ANKS1B: variants seen among roughly 807,000 people sequenced by gnomAD.
ANKS1B encodes ankyrin repeat and sterile alpha motif domain-containing protein 1B.
Under a neutral mutation model 148.3 loss-of-function variants are expected in ANKS1B, and 36 were observed. That is an observed-to-expected ratio of 0.24 (90% CI 0.19 to 0.32). ANKS1B has a LOEUF of 0.32. Among genes scored for constraint, ANKS1B ranks in the 10% least tolerant of loss-of-function variants. The probability of loss-of-function intolerance (pLI) is 1.00; values close to 1 mark genes in which losing one functional copy is unlikely to be tolerated. For synonymous variants in ANKS1B, 542 were observed against 560.8 expected (o/e 0.97, Z 0.47); for missense variants, 1,157 against 1,542.6 (o/e 0.75, Z 4.19).
rs180882333 is a variant in ANKS1B, at chr12:99,515,169, G to A, written c.1273-10528C>T. Among the ~76,000 whole-genome samples the A allele has an allele frequency of 3.8e-3, 557 of 147,368 alleles. 6 individuals carry two copies. The highest frequency in any genetic ancestry group is 0.013 in the African/African-American group (464 of 36,930). On this transcript the variant is annotated intron_variant, in intron 9 of 26. Coordinates refer to ENST00000683438, the MANE Select transcript of ANKS1B (RefSeq NM_001352186.2). ...CTTCAAGCATTTATCCTTGTGTTAC[G>A]TAAGTCCAATTATACCCTTTTAGTT...
At chr12:99,700,854 C>T (rs1164693330) in intron 8 of ANKS1B, among the ~76,000 whole-genome samples, 2 of 152,160 alleles carry the variant, frequency 1.3e-5, no homozygotes, top group East Asian at 1.9e-4. Flanking sequence ...TTGCCCTTGA[C>T]AGTCTCAGGT....
chr12:99,232,597 G>A (rs73379333), intron 14 of ANKS1B, among the ~76,000 whole-genome samples: 1 of 152,178 alleles, frequency 6.6e-6, no homozygotes, highest in African/African-American at 2.4e-5. Flanking sequence ...TATTCAACCT[G>A]ATTCTTAGAA....
chr12:99,843,414 C>G (rs1440274322), intron 1 of ANKS1B, among the ~76,000 whole-genome samples: 3 of 152,074 alleles, frequency 2.0e-5, no homozygotes, highest in Non-Finnish European at 2.9e-5. Context: ...CCTCTCACCC[C>G]CAACCCTCCA....
intron 4 of ANKS1B, among the ~76,000 whole-genome samples, chr12:99,784,052 T>C (rs1260398342): frequency 1.3e-5 from 2 of 152,144 alleles, no homozygotes; most frequent in Non-Finnish European, 1.5e-5. Flanking sequence ...AAAAATTTAA[T>C]GTGGCTTAAG....
intron 12 of ANKS1B, among the ~76,000 whole-genome samples, chr12:99,363,323 G>A (rs572176083): frequency 6.6e-6 from 1 of 152,166 alleles, no homozygotes; most frequent in East Asian, 1.9e-4. Flanking sequence ...TCAATAAAAT[G>A]TATTTAGTAA....
intron 15 of ANKS1B, among the ~76,000 whole-genome samples, chr12:99,099,322 T>C (rs745819082): frequency 1.7e-4 from 26 of 152,118 alleles, no homozygotes; most frequent in Non-Finnish European, 2.9e-4. Context: ...CTTTGCGGGG[T>C]GGGGGTCCCC....
intron 1 of ANKS1B, among the ~76,000 whole-genome samples, chr12:99,856,751 C>T (rs115385680): frequency 5.6e-4 from 85 of 152,008 alleles, no homozygotes; most frequent in African/African-American, 2.0e-3. Context: ...AGAAATGTGA[C>T]ACAACACATA....
chr12:99,862,181 A>T (rs980953100), intron 1 of ANKS1B, among the ~76,000 whole-genome samples: 2 of 152,246 alleles, frequency 1.3e-5, no homozygotes, highest in African/African-American at 4.8e-5. Flanking sequence ...AAAATTGAAC[A>T]AGTGAAAATC....
intron 10 of ANKS1B, among the ~76,000 whole-genome samples, chr12:99,469,302 AG>A (rs1191763205): frequency 5.1e-5 from 3 of 58,376 alleles, no homozygotes; most frequent in African/African-American, 2.1e-4. Context: ...GGGTGGGGGG[AG>A]GGGGGAGGGA....
intron 17 of ANKS1B, among the ~76,000 whole-genome samples, chr12:98,919,734 T>C (rs915239122): frequency 3.9e-5 from 6 of 152,212 alleles, no homozygotes; most frequent in African/African-American, 1.4e-4. Context: ...ACTTCAACTT[T>C]ATCTTTTCAT....
At chr12:98,736,894 C>T (rs745790709) in intron 9 of ANKS1B, among the ~76,000 whole-genome samples, 8 of 152,184 alleles carry the variant, frequency 5.3e-5, no homozygotes, top group African/African-American at 1.9e-4. Context: ...ATGCCAAGCA[C>T]TGTTTTAAGC....
In ANKS1B at chr12:99,411,871, T is replaced by A. The variant is rs529496820; in HGVS notation, c.1576-12060A>T. Among the ~76,000 whole-genome samples, 3 of 152,320 alleles carry A rather than the reference T, an allele frequency of 2.0e-5. No individual in the cohort carries two copies. In the South Asian group the frequency reaches 6.2e-4, roughly 32 times the overall value. On this transcript the variant is annotated intron_variant, in intron 11 of 26. Transcript: ENST00000683438. ...CTTTGACCCTTCCTGTTTTATATAC[T>A]GGGAGTATTCTACAGTTCATTGTCC...
intron 17 of ANKS1B, chr12:98,954,327 T>C (rs2099858888): frequency 6.6e-6 from 1 of 152,254 alleles, no homozygotes; most frequent in Non-Finnish European, 1.5e-5. Context: ...TCCTTCTCTT[T>C]CTTTTTCTAT....
intron 9 of ANKS1B, among the ~76,000 whole-genome samples, chr12:99,528,432 C>CAAAAAAAAA (rs537716638): frequency 1.0e-5 from 1 of 96,692 alleles, no homozygotes; most frequent in African/African-American, 4.1e-5. Flanking sequence ...AAAACAAAAA[C>CAAAAAAAAA]AAAAAAAAAA....
intron 25 of ANKS1B, among the ~76,000 whole-genome samples, chr12:98,757,738 A>G (rs756758981): frequency 7.2e-5 from 11 of 152,200 alleles, no homozygotes; most frequent in Non-Finnish European, 1.3e-4. Flanking sequence ...TTATTACCTC[A>G]CGTCTCTCGA....
At chr12:99,803,464 T>C (rs141953528) in intron 4 of ANKS1B, among the ~76,000 whole-genome samples, 24 of 152,254 alleles carry the variant, frequency 1.6e-4, no homozygotes, top group Non-Finnish European at 2.8e-4. Context: ...TGAGTGTCAA[T>C]AGAAGAGGTT....
chr12:99,858,469 T>G (rs113496765), intron 1 of ANKS1B, among the ~76,000 whole-genome samples: 4 of 152,230 alleles, frequency 2.6e-5, no homozygotes, highest in African/African-American at 9.6e-5. Flanking sequence ...AGTATGGAGA[T>G]TCCTTGAAGA....
intron 17 of ANKS1B, among the ~76,000 whole-genome samples, chr12:98,999,715 A>G (rs2099931822): frequency 6.6e-6 from 1 of 152,176 alleles, no homozygotes; most frequent in African/African-American, 2.4e-5. Context: ...TGTTCAGCAG[A>G]TGGGATGCAT....
At chr12:98,860,728 AG>A (rs1567248562) in intron 17 of ANKS1B, among the ~76,000 whole-genome samples, 2 of 152,156 alleles carry the variant, frequency 1.3e-5, no homozygotes, top group Non-Finnish European at 2.9e-5. Flanking sequence ...GTCAGGGGTC[AG>A]GGGGAGGGAG....
Sources: gnomAD v4.1 joint callset for allele counts (sites outside exome capture counted in the v4.1 genomes callset) on GRCh38, gnomAD v4.1.1 for gene constraint, MANE v1.5 for transcripts, NCBI Gene and HGNC (gene_info 2026-07-23, HGNC 2026-07-21) for gene names.